Variants in RIPOR2 observed in about 807,000 individuals in gnomAD.
RIPOR2 encodes the protein RHO family interacting cell polarization regulator 2, also known as rho family-interacting cell polarization regulator 2.
RIPOR2 carries 39 observed loss-of-function variants against 114.5 expected under a neutral mutation model. The observed-to-expected ratio is 0.34, with a 90% CI of 0.26 to 0.44. The LOEUF (loss-of-function observed/expected upper bound fraction) is 0.44, where lower values mean the gene tolerates loss of function less well. RIPOR2 is among the 20% of genes least tolerant of loss of function. The pLI, the probability that RIPOR2 is intolerant of heterozygous loss-of-function variation, is 1.00. For synonymous variants in RIPOR2, 445 were observed against 484.4 expected (o/e 0.92, Z 1.07); for missense variants, 1,007 against 1,255.1 (o/e 0.80, Z 2.99).
intron 1 of RIPOR2, among the ~76,000 whole-genome samples, chr6:24,966,707 C>A (rs1773544050): frequency 6.6e-6 from 1 of 152,112 alleles, no homozygotes; most frequent in Non-Finnish European, 1.5e-5. Context: ...GAGGCATGAT[C>A]CAAGGTACAG....
At chr6:25,041,152 T>C (rs929260384) in intron 1 of RIPOR2, among the ~76,000 whole-genome samples, 2 of 152,198 alleles carry the variant, frequency 1.3e-5, no homozygotes, top group South Asian at 2.1e-4. Context: ...AACAGACCCC[T>C]TTCACTCATT....
intron 1 of RIPOR2, among the ~76,000 whole-genome samples, chr6:24,972,493 G>A (rs1053109597): frequency 6.6e-6 from 1 of 152,192 alleles, no homozygotes; most frequent in African/African-American, 2.4e-5. Flanking sequence ...ACAGTTGCAG[G>A]CATTATGACA....
In RIPOR2 at chr6:24,987,207, C is replaced by T. The variant is rs79982529; in HGVS notation, c.76+54644G>A. 8.5e-3 allele frequency among the ~76,000 whole-genome samples: 1,297 copies of T among 152,280 alleles called. 11 individuals are homozygous for T. The highest frequency in any genetic ancestry group is 0.037 in the Middle Eastern group (11 of 294). ...ATCATGGCTGGCTGGCACAGCCAGGCGGACAAGTGTGGCTTGGTGGAAAGA... is the reference window on the plus strand; with the variant it reads ...ATCATGGCTGGCTGGCACAGCCAGGTGGACAAGTGTGGCTTGGTGGAAAGA... On this transcript the variant is annotated intron_variant, in intron 1 of 13. Coordinates refer to the RIPOR2 transcript ENST00000510784.
intron 20 of RIPOR2, 136 bp downstream of exon 20, chr6:24,818,405 AC>A (rs1185116120): frequency 6.2e-6 from 3 of 485,190 alleles, no homozygotes; most frequent in Non-Finnish European, 1.1e-5. Context: ...AAATACTAAA[AC>A]TAACATACGG....
chr6:25,023,176 T>G, intron 1 of RIPOR2: 1 of 598,058 alleles, frequency 1.7e-6, no homozygotes, highest in Middle Eastern at 5.2e-4. Flanking sequence ...TTACAAATTA[T>G]CACAACAATT....
intron 1 of RIPOR2, among the ~76,000 whole-genome samples, chr6:24,949,340 A>G (rs987864339): frequency 2.0e-5 from 3 of 152,250 alleles, no homozygotes; most frequent in African/African-American, 7.2e-5. Context: ...TCATGAAAGT[A>G]TCACGAGGTT....
intron 1 of RIPOR2, among the ~76,000 whole-genome samples, chr6:24,903,386 TCA>T (rs1168268573): frequency 1.3e-5 from 2 of 152,178 alleles, no homozygotes; most frequent in Non-Finnish European, 2.9e-5. Context: ...TATCAGAGTA[TCA>T]GAGTCACTTT....
intron 1 of RIPOR2, chr6:24,947,845 A>T (rs1000458751): frequency 6.6e-6 from 1 of 152,190 alleles, no homozygotes; most frequent in Non-Finnish European, 1.5e-5. Flanking sequence ...TTAATGTATA[A>T]GTTAACTCTC....
At chr6:24,961,573 A>G (rs759524293) in intron 1 of RIPOR2, among the ~76,000 whole-genome samples, 2 of 151,998 alleles carry the variant, frequency 1.3e-5, no homozygotes, top group East Asian at 3.9e-4. Context: ...GGATAAAGCA[A>G]TAAGTAAGAA....
At chr6:24,904,863 C>T (rs971213619) in intron 1 of RIPOR2, among the ~76,000 whole-genome samples, 2 of 152,212 alleles carry the variant, frequency 1.3e-5, no homozygotes, top group Non-Finnish European at 2.9e-5. Flanking sequence ...CAACCTCCGC[C>T]TCCCAGGTTC....
chr6:25,010,225 T>C (rs922815493), intron 1 of RIPOR2, among the ~76,000 whole-genome samples: 1 of 152,128 alleles, frequency 6.6e-6, no homozygotes, highest in Non-Finnish European at 1.5e-5. Context: ...TCATGAACAG[T>C]CTCGTGCCCT....
chr6:24,847,474 C>T, intron 12 of RIPOR2: 2 of 1,469,438 alleles, frequency 1.4e-6, no homozygotes, highest in Non-Finnish European at 1.9e-6. Flanking sequence ...AAACAAGAGA[C>T]ATGCTAAGTC....
chr6:24,961,762 A>T (rs1773320296), intron 1 of RIPOR2, among the ~76,000 whole-genome samples: 1 of 151,654 alleles, frequency 6.6e-6, no homozygotes, highest in South Asian at 2.1e-4. Context: ...AGTAGCTGGG[A>T]TTACAGGCAC....
intron 1 of RIPOR2, among the ~76,000 whole-genome samples, chr6:24,922,799 T>C (rs1664684413): frequency 1.4e-5 from 2 of 139,012 alleles, no homozygotes; most frequent in South Asian, 4.4e-4. Context: ...AGGCAGAGGC[T>C]GCAGTGAGCC....
chr6:24,806,858 A>T (rs1038312980), intron 21 of RIPOR2, among the ~76,000 whole-genome samples: 6 of 152,210 alleles, frequency 3.9e-5, no homozygotes, highest in Admixed American at 6.5e-5. Flanking sequence ...TTTTACTTGT[A>T]TACATTATAT....
chr6:24,921,674 GTA>G (rs1285864673), intron 1 of RIPOR2, among the ~76,000 whole-genome samples: 1 of 144,632 alleles, frequency 6.9e-6, no homozygotes, highest in African/African-American at 2.6e-5. Flanking sequence ...CTGATGTACT[GTA>G]TTTTTATAGG....
chr6:24,818,464 A>G (rs1406040733), intron 20 of RIPOR2, 78 bp downstream of exon 20: 3 of 742,404 alleles, frequency 4.0e-6, no homozygotes, highest in African/African-American at 1.8e-5. Flanking sequence ...TCAAACATGA[A>G]AGAAAAGCTG....
chr6:24,958,821 T>C (rs1368399281), intron 1 of RIPOR2, among the ~76,000 whole-genome samples: 1 of 152,090 alleles, frequency 6.6e-6, no homozygotes, highest in East Asian at 1.9e-4. Context: ...GGAATCACGG[T>C]GTGAGGAGGG....
intron 1 of RIPOR2, among the ~76,000 whole-genome samples, chr6:25,033,866 T>C (rs1279168153): frequency 6.6e-6 from 1 of 152,136 alleles, no homozygotes; most frequent in Non-Finnish European, 1.5e-5. Context: ...TTATTCTCTT[T>C]TTTTTGGTTT....
Sources: allele counts gnomAD v4.1 joint callset (sites outside exome capture counted in the v4.1 genomes callset), GRCh38; gene constraint gnomAD v4.1.1; transcripts MANE v1.5; gene names NCBI Gene and HGNC (gene_info 2026-07-23, HGNC 2026-07-21).